The following DNAH5 variants were observed in gnomAD, a reference collection of about 807,000 sequenced individuals.
DNAH5 encodes dynein axonemal heavy chain 5, also known as axonemal beta dynein heavy chain 5.
A neutral mutation model predicts 518.2 loss-of-function variants in DNAH5; 372 were observed. That is an observed-to-expected ratio of 0.72 (90% CI 0.66 to 0.78). The LOEUF (loss-of-function observed/expected upper bound fraction) is 0.78. Ranked by LOEUF, DNAH5 falls within the 30% of genes least tolerant of loss-of-function variation. The pLI is 0.00. For missense variants in DNAH5, 5,523 were observed against 5,687.0 expected, an observed-to-expected ratio of 0.97 and a Z score of 0.93; for synonymous variants, 2,039 against 2,025.9, an observed-to-expected ratio of 1.01 and a Z score of -0.17.
In DNAH5 at chr5:13,900,295, T is replaced by C. The variant is rs202195680; in HGVS notation, c.2170A>G (p.Met724Val). The change falls in exon 15 of 79, where the codon ATG (methionine) becomes GTG (valine). Residue 724 changes from methionine to valine, a missense_variant. Transcript: ENST00000265104. ...ILILFRETECMAQMGLEVSPL... is the reference protein window; with the variant it reads ...ILILFRETECVAQMGLEVSPL... Reference sequence around the variant, plus strand: ...GAGACTTCCAGACCCATCTGGGCCATGCACTCTGTTTCTCTAAATAAGATT... The same window carrying C: ...GAGACTTCCAGACCCATCTGGGCCACGCACTCTGTTTCTCTAAATAAGATT... 3.5e-5 allele frequency: 56 copies of C among 1,614,182 alleles called. No homozygotes were observed. In the South Asian group the frequency reaches 5.5e-4, roughly 16 times the overall value.
chr5:13,700,538 C>T lies in DNAH5; in HGVS notation c.13723+102G>A, dbSNP rs2126402764. On this transcript the variant is annotated intron_variant, in intron 78 of 78. Transcript: ENST00000265104. ...AATGTAAAGCTAATAGATAAGAGAG[C>T]AAAATCTCTACTACATGATAACAAA... 4.2e-6 allele frequency: 5 copies of T among 1,187,248 alleles called. No homozygotes were observed. The South Asian group carries it at 4.9e-5, about 12-fold the overall frequency. The allele number at this position is 1,187,248 out of a possible 1,614,324, so 73.5% of individuals were successfully genotyped here. A position where few individuals can be genotyped will look rare whatever the true frequency, so the allele number is the denominator to read the frequency against.
At chr5:13,968,654 G>A (rs1166029228) in intron 1 of DNAH5, among the ~76,000 whole-genome samples, 1 of 152,058 alleles carries the variant, frequency 6.6e-6, no homozygotes, top group African/African-American at 2.4e-5. Context: ...CTGAATCCCT[G>A]GTATAAAACC....
intron 47 of DNAH5, among the ~76,000 whole-genome samples, chr5:13,795,256 T>C (rs183499199): frequency 6.6e-6 from 1 of 151,964 alleles, no homozygotes; most frequent in African/African-American, 2.4e-5. Flanking sequence ...TCAATGAATC[T>C]AGGAGCTGGT....
rs1376474707 is a variant in DNAH5, at chr5:13,811,636, G to A, written c.7407+11C>T. ...TAAGAGAGAATTTCTCTAGAAAGTT[G>A]AGCAATTTACCTTCAGAGGAATCAG... On this transcript the variant is annotated intron_variant, in intron 44 of 78. Coordinates refer to ENST00000265104, the MANE Select transcript of DNAH5 (RefSeq NM_001369.3). 2 of 1,613,538 alleles carry A rather than the reference G, an allele frequency of 1.2e-6. No individual in the cohort carries two copies. Among genetic ancestry groups the A allele is most frequent in the Admixed American group, 1.7e-5 (1 of 60,010 alleles).
Position 13,976,438 on chromosome 5 carries a change from G to A in DNAH5, c.12+35210C>T, listed in dbSNP as rs1169444009. 3.3e-5 allele frequency among the ~76,000 whole-genome samples: 5 copies of A among 152,120 alleles called. No homozygotes were observed. In the East Asian group the frequency reaches 9.6e-4, roughly 29 times the overall value. ...TCATCCCTTTGTCCAGAGTACCCAT[G>A]CTGTATACACTACCTGCCCATCTAT... On this transcript the variant is annotated intron_variant, in intron 1 of 78. Coordinates refer to the DNAH5 transcript ENST00000681290.
chr5:13,792,959 G>C (rs1757226284), intron 49 of DNAH5, among the ~76,000 whole-genome samples: 1 of 152,162 alleles, frequency 6.6e-6, no homozygotes, highest in South Asian at 2.1e-4. Flanking sequence ...TACTCGGGTA[G>C]GCATATATGC....
At chr5:13,971,912 C>G (rs368452340) in intron 1 of DNAH5, among the ~76,000 whole-genome samples, 1 of 152,052 alleles carries the variant, frequency 6.6e-6, no homozygotes, top group East Asian at 1.9e-4. Context: ...TCTTCAGCTA[C>G]CAAGGTGGGT....
intron 52 of DNAH5, among the ~76,000 whole-genome samples, chr5:13,782,087 A>G (rs1408515511): frequency 6.6e-6 from 1 of 152,146 alleles, no homozygotes; most frequent in African/African-American, 2.4e-5. Flanking sequence ...TTTATACCTT[A>G]TGCAAGAACT....
chr5:13,951,514 C>T (rs1287801535), intron 1 of DNAH5, among the ~76,000 whole-genome samples: 1 of 152,126 alleles, frequency 6.6e-6, no homozygotes, highest in Non-Finnish European at 1.5e-5. Context: ...GCCACCATGC[C>T]TGGCCCATAT....
chr5:13,996,624 G>A (rs746245228), intron 1 of DNAH5, among the ~76,000 whole-genome samples: 6 of 152,202 alleles, frequency 3.9e-5, no homozygotes, highest in Non-Finnish European at 8.8e-5. Context: ...GTTCAACAGG[G>A]CAAACAACAT....
chr5:13,847,312 T>TAAA (rs56743884), intron 31 of DNAH5, among the ~76,000 whole-genome samples: 19 of 147,880 alleles, frequency 1.3e-4, no homozygotes, highest in African/African-American at 4.5e-4. Context: ...AAAGCTCAGT[T>TAAA]AAAAAAAAAA....
intron 15 of DNAH5, among the ~76,000 whole-genome samples, chr5:13,895,461 C>A (rs2151954359): frequency 1.3e-5 from 2 of 152,312 alleles, no homozygotes; most frequent in South Asian, 4.2e-4. Context: ...TGCTCATCAC[C>A]AGGCTTGTTT....
intron 39 of DNAH5, 39 bp from the exon 40 acceptor site, chr5:13,823,409 G>C: frequency 7.5e-7 from 1 of 1,337,228 alleles, no homozygotes; most frequent in Admixed American, 1.7e-5. Flanking sequence ...AATTATTCTG[G>C]TATAAACATA....
intron 49 of DNAH5, 88 bp downstream of exon 49, chr5:13,793,427 T>C (rs1757314415): frequency 9.0e-7 from 1 of 1,116,434 alleles, no homozygotes; most frequent in African/African-American, 1.5e-5. Context: ...GTGCTCTTTC[T>C]GTGTGGGTCT....
At chr5:13,737,913 A>G (rs982167021) in intron 65 of DNAH5, among the ~76,000 whole-genome samples, 1 of 152,036 alleles carries the variant, frequency 6.6e-6, no homozygotes, top group Admixed American at 6.6e-5. Context: ...ATACAAAAAA[A>G]TTATCTGGGC....
intron 22 of DNAH5, 114 bp from the exon 23 acceptor site, chr5:13,871,879 G>T: frequency 1.1e-6 from 1 of 938,048 alleles, no homozygotes; most frequent in Non-Finnish European, 1.7e-6. Context: ...AATGTTTAGT[G>T]AACTGTGTGA....
chr5:13,923,006 G>T (rs1014458399), intron 4 of DNAH5, among the ~76,000 whole-genome samples: 1 of 151,954 alleles, frequency 6.6e-6, no homozygotes, highest in Non-Finnish European at 1.5e-5. Context: ...TATGCATGGG[G>T]AATTCATTAG....
intron 31 of DNAH5, among the ~76,000 whole-genome samples, chr5:13,846,873 C>T (rs952163972): frequency 3.1e-4 from 47 of 152,268 alleles, no homozygotes; most frequent in African/African-American, 1.1e-3. Flanking sequence ...ATAATGTTTA[C>T]TTTTGTTTTA....
intron 1 of DNAH5, among the ~76,000 whole-genome samples, chr5:13,983,113 CT>C (rs1176993807): frequency 6.6e-6 from 1 of 152,244 alleles, no homozygotes; most frequent in African/African-American, 2.4e-5. Context: ...CTGGATTTTT[CT>C]GACTCCTAGT....
Sources: allele counts gnomAD v4.1 joint callset (sites outside exome capture counted in the v4.1 genomes callset), GRCh38; gene constraint gnomAD v4.1.1; transcripts MANE v1.5; gene names NCBI Gene and HGNC (gene_info 2026-07-23, HGNC 2026-07-21).